The following MICU3 variants were observed in gnomAD, a reference collection of about 807,000 sequenced individuals.
The protein encoded by MICU3 is mitochondrial calcium uptake 3.
MICU3 carries 62 observed loss-of-function variants against 66.5 expected under a neutral mutation model. The ratio of observed to expected loss-of-function variants is 0.93; its 90% CI spans 0.76 to 1.15. The LOEUF (loss-of-function observed/expected upper bound fraction) is 1.15, where lower values mean the gene tolerates loss of function less well. MICU3 is among the 50% of genes most tolerant of loss of function. The pLI, the probability that MICU3 is intolerant of heterozygous loss-of-function variation, is 0.00. For missense variants in MICU3, 779 were observed against 664.4 expected (o/e 1.17, Z -1.90); for synonymous variants, 308 against 240.7 (o/e 1.28, Z -2.59).
intron 1 of MICU3, among the ~76,000 whole-genome samples, chr8:17,031,262 T>TTTTTTTATTATTATTA (rs111800861): frequency 2.9e-5 from 4 of 139,194 alleles, no homozygotes; most frequent in African/African-American, 1.1e-4. Context: ...TGCCACTTCA[T>TTTTTTTATTATTATTA]TTATTATTAT....
At chr8:17,134,815 TC>T in the MICU3 span, among the ~76,000 whole-genome samples, 771 of 152,256 alleles carry the variant, frequency 5.1e-3, 3 homozygotes, top group Non-Finnish European at 8.7e-3. Context: ...GGGATAGCAA[TC>T]TGCTTTAGTC....
chr8:17,095,563 C>T (rs1800585710), intron 8 of MICU3, among the ~76,000 whole-genome samples: 1 of 151,852 alleles, frequency 6.6e-6, no homozygotes, highest in Admixed American at 6.6e-5. Flanking sequence ...TATTTTTCCC[C>T]TAGTTTGTTT....
intron 9 of MICU3, among the ~76,000 whole-genome samples, chr8:17,099,129 G>A (rs1248901263): frequency 2.0e-5 from 3 of 151,630 alleles, no homozygotes; most frequent in Non-Finnish European, 3.0e-5. Flanking sequence ...CTGCTGCATC[G>A]GAGTGGGCTG....
the MICU3 span, among the ~76,000 whole-genome samples, chr8:17,130,096 G>A: frequency 2.0e-5 from 3 of 152,132 alleles, no homozygotes; most frequent in African/African-American, 2.4e-5. Context: ...CCTGCACACT[G>A]GAAGAGTTAA....
At chr8:17,117,442 A>G (rs1370050948) in intron 13 of MICU3, among the ~76,000 whole-genome samples, 1 of 152,110 alleles carries the variant, frequency 6.6e-6, no homozygotes, top group Non-Finnish European at 1.5e-5. Context: ...TTTTCCCCCA[A>G]GAAACATGTT....
At chr8:17,055,803 T>A (rs1816832591) in intron 1 of MICU3, among the ~76,000 whole-genome samples, 1 of 152,144 alleles carries the variant, frequency 6.6e-6, no homozygotes, top group Non-Finnish European at 1.5e-5. Context: ...CACACTTGTG[T>A]TGTGTTGGAG....
chr8:17,116,395 T>C (rs755214533), intron 12 of MICU3, 48 bp from the exon 13 acceptor site: 11 of 1,216,704 alleles, frequency 9.0e-6, no homozygotes, highest in Non-Finnish European at 1.2e-5. Context: ...TAACACATAT[T>C]ATAAAAATAA....
chr8:17,050,965 G>A (rs1405653191), intron 1 of MICU3, among the ~76,000 whole-genome samples: 1 of 152,062 alleles, frequency 6.6e-6, no homozygotes, highest in African/African-American at 2.4e-5. Context: ...CATTAGATTG[G>A]TCCAGTTTCT....
chr8:17,051,520 G>A (rs372093331), intron 1 of MICU3, among the ~76,000 whole-genome samples: 103 of 152,300 alleles, frequency 6.8e-4, no homozygotes, highest in African/African-American at 2.3e-3. Context: ...AGGAAAGGAG[G>A]TCCAAGGATT....
chr8:17,112,259 T>A (rs186254323), intron 11 of MICU3, among the ~76,000 whole-genome samples: 57 of 152,348 alleles, frequency 3.7e-4, no homozygotes, highest in Admixed American at 3.7e-3. Context: ...TCAGTGCATG[T>A]ATTTTTTGAT....
At chr8:17,126,153 T>G (rs1464562963), downstream of MICU3, among the ~76,000 whole-genome samples, 1 of 146,386 alleles carries the variant, frequency 6.8e-6, no homozygotes, top group Non-Finnish European at 1.5e-5. Flanking sequence ...GTAATGTAAA[T>G]TCTTCCTAAA....
intron 1 of MICU3, among the ~76,000 whole-genome samples, chr8:17,062,025 C>T (rs1234462096): frequency 1.3e-5 from 2 of 152,126 alleles, no homozygotes; most frequent in African/African-American, 4.8e-5. Flanking sequence ...AGTCATTGCT[C>T]CACTTAAGAA....
At chr8:17,127,922 A>C in the MICU3 span, among the ~76,000 whole-genome samples, 8 of 152,190 alleles carry the variant, frequency 5.3e-5, no homozygotes, top group African/African-American at 1.9e-4. Context: ...GCTGAGCCCC[A>C]AGTAGCCAGG....
chr8:17,099,825 T>C (rs1359673202), intron 9 of MICU3, among the ~76,000 whole-genome samples: 3 of 151,778 alleles, frequency 2.0e-5, no homozygotes, highest in South Asian at 4.1e-4. Flanking sequence ...GTCATATCAT[T>C]GTTGTCTCTC....
chr8:17,027,567 C>A lies in MICU3; in HGVS notation c.288C>A (p.Thr96=). 1 of 1,279,514 alleles carries A rather than the reference C, an allele frequency of 7.8e-7. No individual in the cohort carries two copies. The highest frequency in any genetic ancestry group is 9.8e-7 in the Non-Finnish European group (1 of 1,015,500). The allele number at this position is 1,279,514 out of a possible 1,614,324, so 79.3% of individuals were successfully genotyped here. Residue 96 remains threonine (T), a synonymous_variant, in exon 1 of 15, where the codon ACC becomes ACA. Coordinates refer to ENST00000318063, the MANE Select transcript of MICU3 (RefSeq NM_181723.3). ...ACCCCAGGGCCGGCTCGCCGGCGAC[C>A]GGGCGACCCTCAAAGAGCGCGGCCA... ...YGDPRAGSPA[T]GRPSKSAATE...
chr8:17,050,071 A>G lies in MICU3; in HGVS notation c.382-14013A>G, dbSNP rs572254226. The stretch of plus-strand genomic sequence containing the variant: ...GCTGCTGGAAATTTTGATTGTTTCT[A>G]TTTTTTCACTATTGGAAACATGCTG... On this transcript the variant is annotated intron_variant, in intron 1 of 14. Transcript: ENST00000318063. Among the ~76,000 whole-genome samples, 120 of 151,990 alleles carry G rather than the reference A, an allele frequency of 7.9e-4. 1 individual carries two copies. The highest frequency in any genetic ancestry group is 2.7e-3 in the African/African-American group (112 of 41,474).
In MICU3 at chr8:17,114,060, C is replaced by T. The variant is rs76731887; in HGVS notation, c.1258-33C>T. ...CCTGATTTTAATAAATTTGGCAATACTAAATGTATTTTCATTTCCTTTCCC... is the reference window on the plus strand; with the variant it reads ...CCTGATTTTAATAAATTTGGCAATATTAAATGTATTTTCATTTCCTTTCCC... On this transcript the variant is annotated intron_variant, in intron 11 of 14. Coordinates refer to ENST00000318063, the MANE Select transcript of MICU3 (RefSeq NM_181723.3). 3.9e-6 allele frequency: 5 copies of T among 1,288,442 alleles called. 1 individual carries two copies. In the African/African-American group the frequency reaches 8.5e-5, roughly 22 times the overall value. 79.8% of individuals were successfully genotyped at this position (1,288,442 alleles called of 1,614,324 possible).
intron 1 of MICU3, among the ~76,000 whole-genome samples, chr8:17,038,734 A>G (rs932774606): frequency 1.3e-5 from 2 of 152,134 alleles, no homozygotes; most frequent in Non-Finnish European, 2.9e-5. Context: ...CAGGCAGATC[A>G]TGAGGTCAGG....
chr8:17,136,930 G>A, the MICU3 span, among the ~76,000 whole-genome samples: 1 of 151,692 alleles, frequency 6.6e-6, no homozygotes, highest in African/African-American at 2.4e-5. Context: ...CACCTCCTGG[G>A]TTCAAGTGAT....
Sources: gnomAD v4.1 joint callset for allele counts (sites outside exome capture counted in the v4.1 genomes callset) on GRCh38, gnomAD v4.1.1 for gene constraint, MANE v1.5 for transcripts, NCBI Gene and HGNC (gene_info 2026-07-23, HGNC 2026-07-21) for gene names.